TTC39C: variants seen among roughly 807,000 people sequenced by gnomAD.
TTC39C encodes tetratricopeptide repeat domain 39C.
TTC39C carries 33 observed loss-of-function variants against 76.3 expected under a neutral mutation model. The ratio of observed to expected loss-of-function variants is 0.43; its 90% CI spans 0.33 to 0.58. The LOEUF is 0.58. Among genes scored for constraint, TTC39C ranks in the 20% least tolerant of loss-of-function variants. TTC39C has a pLI of 0.04. For missense variants in TTC39C, 595 were observed against 701.4 expected, an observed-to-expected ratio of 0.85 and a Z score of 1.71; for synonymous variants, 254 against 260.6, an observed-to-expected ratio of 0.97 and a Z score of 0.24.
At chr18:24,130,082 A>G (rs1025062036) in intron 11 of TTC39C, among the ~76,000 whole-genome samples, 6 of 152,220 alleles carry the variant, frequency 3.9e-5, no homozygotes, top group Non-Finnish European at 5.9e-5. Flanking sequence ...TCCCCTGGAA[A>G]AATAGTAGCA....
chr18:24,098,362 C>G (rs968999115), intron 6 of TTC39C, among the ~76,000 whole-genome samples: 3 of 151,366 alleles, frequency 2.0e-5, no homozygotes, highest in African/African-American at 7.3e-5. Flanking sequence ...TTCAGGCTTT[C>G]TTTCTTTCCT....
intron 6 of TTC39C, among the ~76,000 whole-genome samples, chr18:24,104,252 A>G (rs550686825): frequency 6.6e-6 from 1 of 152,040 alleles, no homozygotes; most frequent in African/African-American, 2.4e-5. Flanking sequence ...AATTCTTATA[A>G]TGGTCATCAG....
intron 3 of TTC39C, among the ~76,000 whole-genome samples, chr18:24,068,950 A>T (rs1027872007): frequency 6.6e-6 from 1 of 152,132 alleles, no homozygotes; most frequent in African/African-American, 2.4e-5. Flanking sequence ...TTTGTCTTTG[A>T]GTTACAGTGC....
At chr18:24,128,761 G>A (rs2085083246) in intron 10 of TTC39C, 125 bp from the exon 11 acceptor site, 2 of 669,478 alleles carry the variant, frequency 3.0e-6, no homozygotes, top group Non-Finnish European at 4.9e-6. Context: ...TTTATTAAGA[G>A]CAGTTTTAGG....
In TTC39C at chr18:24,060,313, G is replaced by GTTTTTTT. The variant is rs1294806136; in HGVS notation, c.168-3811_168-3805dup. On this transcript the variant is annotated intron_variant, in intron 1 of 13. Coordinates refer to ENST00000317571, the MANE Select transcript of TTC39C (RefSeq NM_001135993.2). Reference sequence around the variant, plus strand: ...TATTGTGGTTTTGATTTGCGTTTCTGTTTTTTTTTTTTTTTTTTTTTTGAG... The same window carrying GTTTTTTT: ...TATTGTGGTTTTGATTTGCGTTTCTGTTTTTTTTTTTTTTTTTTTTTTTTTTTTTGAG... 1.3e-3 allele frequency among the ~76,000 whole-genome samples: 120 copies of GTTTTTTT among 89,248 alleles called. 1 individual carries two copies. The highest frequency in any genetic ancestry group is 1.8e-3 in the Non-Finnish European group (88 of 47,610). 58.6% of individuals were successfully genotyped at this position (89,248 alleles called of 152,430 possible). A position where few individuals can be genotyped will look rare whatever the true frequency, so the allele number is the denominator to read the frequency against.
At chr18:24,085,857 G>A (rs2084431951) in intron 6 of TTC39C, among the ~76,000 whole-genome samples, 1 of 152,218 alleles carries the variant, frequency 6.6e-6, no homozygotes, top group African/African-American at 2.4e-5. Flanking sequence ...CAAAGGCCCA[G>A]AGGATGAAAA....
intron 6 of TTC39C, among the ~76,000 whole-genome samples, chr18:24,110,480 C>T (rs2084795694): frequency 6.6e-6 from 1 of 151,934 alleles, no homozygotes; most frequent in Admixed American, 6.6e-5. Context: ...CATGGAAAAT[C>T]CAAGGAAATT....
intron 1 of TTC39C, among the ~76,000 whole-genome samples, chr18:24,049,040 T>C (rs1267098061): frequency 1.3e-5 from 2 of 152,232 alleles, no homozygotes; most frequent in African/African-American, 4.8e-5. Flanking sequence ...CTAGCTCTTA[T>C]AAGAAGTGGC....
intron 1 of TTC39C, among the ~76,000 whole-genome samples, chr18:24,018,260 G>T (rs547712934): frequency 1.3e-4 from 20 of 152,266 alleles, no homozygotes; most frequent in Middle Eastern, 3.4e-3. Context: ...CCTGCTGGAG[G>T]GCGCTTCTGC....
intron 7 of TTC39C, among the ~76,000 whole-genome samples, chr18:24,117,416 A>G (rs956445602): frequency 2.0e-5 from 3 of 152,110 alleles, no homozygotes; most frequent in African/African-American, 7.2e-5. Flanking sequence ...TTTGAGAATG[A>G]GTGGGCCAAG....
At chr18:24,096,289 C>G (rs1363017234) in intron 6 of TTC39C, among the ~76,000 whole-genome samples, 1 of 152,032 alleles carries the variant, frequency 6.6e-6, no homozygotes, top group Non-Finnish European at 1.5e-5. Flanking sequence ...ATGAGGCATG[C>G]CTGTATTTCT....
At chr18:24,125,402 G>A in intron 9 of TTC39C, 25 bp from the exon 10 acceptor site, 1 of 1,613,300 alleles carries the variant, frequency 6.2e-7, no homozygotes, top group Non-Finnish European at 8.5e-7. Context: ...GAAAAATGTA[G>A]CCTGTTTATT....
intron 1 of TTC39C, among the ~76,000 whole-genome samples, chr18:24,059,129 A>C (rs2084056502): frequency 6.6e-6 from 1 of 152,148 alleles, no homozygotes; most frequent in African/African-American, 2.4e-5. Flanking sequence ...ATGTCTGTTC[A>C]AGTAAGCATC....
intron 1 of TTC39C, among the ~76,000 whole-genome samples, chr18:24,050,043 CCTT>C (rs1273620937): frequency 6.6e-6 from 1 of 152,158 alleles, no homozygotes; most frequent in African/African-American, 2.4e-5. Flanking sequence ...TTTCTCCCCT[CCTT>C]CTTCCCAGGC....
chr18:24,082,336 C>T (rs569092622), intron 5 of TTC39C, among the ~76,000 whole-genome samples: 6 of 151,936 alleles, frequency 3.9e-5, no homozygotes, highest in African/African-American at 1.4e-4. Context: ...CTTATTTTAA[C>T]CCAACTTAGT....
In TTC39C at chr18:24,135,600, A is replaced by G. The variant is rs1056217036; in HGVS notation, c.*3026A>G. ...AGAAAATAATCATATAAGTGGAACT[A>G]TTTGCATCTATGTGTGCTTCTTTTT... On this transcript the variant is annotated 3_prime_UTR_variant, in exon 14 of 14. Coordinates refer to ENST00000317571, the MANE Select transcript of TTC39C (RefSeq NM_001135993.2). 1 of 152,750 alleles carries G rather than the reference A, an allele frequency of 6.5e-6. No homozygotes were observed. The highest frequency in any genetic ancestry group is 2.4e-5 in the African/African-American group (1 of 41,432). The allele number at this position is 152,750 out of a possible 1,614,324, so 9.5% of individuals were successfully genotyped here.
intron 6 of TTC39C, among the ~76,000 whole-genome samples, chr18:24,098,413 C>CCTCCTTCCTTCCTTCCTCCCTCT (rs1555775900): frequency 1.0e-5 from 1 of 99,724 alleles, no homozygotes; most frequent in Non-Finnish European, 1.9e-5. Flanking sequence ...TCCCTCCCTC[C>CCTCCTTCCTTCCTTCCTCCCTCT]CTCCTTCCTT....
At chr18:24,009,850 G>A (rs573617956), upstream of TTC39C, among the ~76,000 whole-genome samples, 6 of 152,350 alleles carry the variant, frequency 3.9e-5, no homozygotes, top group South Asian at 1.2e-3. Context: ...CAGGTGAGGA[G>A]GCGTCCAACC....
At chr18:24,006,645 C>T (rs1266252458) in intron 1 of TTC39C, among the ~76,000 whole-genome samples, 2 of 151,990 alleles carry the variant, frequency 1.3e-5, no homozygotes, top group African/African-American at 2.4e-5. Flanking sequence ...GTGAGACAGG[C>T]GATCTACTGT....
Sources: gnomAD v4.1 joint callset for allele counts (sites outside exome capture counted in the v4.1 genomes callset) on GRCh38, gnomAD v4.1.1 for gene constraint, MANE v1.5 for transcripts, NCBI Gene and HGNC (gene_info 2026-07-23, HGNC 2026-07-21) for gene names.